SLC25A16: variants seen among roughly 807,000 people sequenced by gnomAD.
The protein encoded by SLC25A16 is mitochondrial coenzyme A transporter SLC25A16.
Under a neutral mutation model 41.5 loss-of-function variants are expected in SLC25A16, and 39 were observed. The ratio of observed to expected loss-of-function variants is 0.94; its 90% CI spans 0.73 to 1.23. The LOEUF is 1.23. Among genes scored for constraint, SLC25A16 ranks in the 50% most tolerant of loss-of-function variants. The probability of loss-of-function intolerance (pLI) is 0.00; values close to 1 mark genes in which losing one functional copy is unlikely to be tolerated. For missense variants in SLC25A16, 421 were observed against 426.9 expected (o/e 0.99, Z 0.12); for synonymous variants, 146 against 147.8 (o/e 0.99, Z 0.09).
chr10:68,486,745 C>G (rs1374652857), intron 8 of SLC25A16, among the ~76,000 whole-genome samples: 1 of 151,614 alleles, frequency 6.6e-6, no homozygotes, highest in African/African-American at 2.4e-5. Flanking sequence ...CACTTGAGGT[C>G]AGGAGTTCAA....
rs769006055 is a variant in SLC25A16, at chr10:68,483,275, A to C, written c.*157T>G. 5.5e-5 allele frequency: 31 copies of C among 564,954 alleles called. No individual in the cohort carries two copies. The highest frequency in any genetic ancestry group is 9.0e-5 in the Non-Finnish European group (29 of 323,168). 35.0% of individuals were successfully genotyped at this position (564,954 alleles called of 1,614,324 possible). ...TCAAAAAGTATGGTAAGCAGTTCTG[A>C]TTTGTGACTAAAGAAAAAATAATCA... On this transcript the variant is annotated 3_prime_UTR_variant, in exon 9 of 9. Coordinates refer to ENST00000609923, the MANE Select transcript of SLC25A16 (RefSeq NM_152707.4).
intron 2 of SLC25A16, among the ~76,000 whole-genome samples, chr10:68,509,200 G>A (rs1437357652): frequency 6.6e-6 from 1 of 152,026 alleles, no homozygotes; most frequent in Non-Finnish European, 1.5e-5. Flanking sequence ...AGATGGAAAT[G>A]GTGGCGGGTG....
chr10:68,499,875 C>A, intron 4 of SLC25A16: 1 of 549,642 alleles, frequency 1.8e-6, no homozygotes, highest in Non-Finnish European at 3.4e-6. Flanking sequence ...ACAAAGACGG[C>A]AAAAAGATTC....
intron 5 of SLC25A16, 66 bp from the exon 6 acceptor site, chr10:68,493,264 A>G: frequency 7.9e-7 from 1 of 1,259,464 alleles, no homozygotes; most frequent in African/African-American, 1.5e-5. Flanking sequence ...ATCAAAGAAA[A>G]AATCACACTT....
intron 8 of SLC25A16, among the ~76,000 whole-genome samples, chr10:68,484,990 AGTTT>A (rs2052534897): frequency 6.6e-6 from 1 of 152,214 alleles, no homozygotes; most frequent in Non-Finnish European, 1.5e-5. Flanking sequence ...GATTTCAAAT[AGTTT>A]GTATTTAAAA....
At chr10:68,521,148 C>A (rs1296352222) in intron 1 of SLC25A16, among the ~76,000 whole-genome samples, 2 of 151,006 alleles carry the variant, frequency 1.3e-5, no homozygotes, top group Non-Finnish European at 3.0e-5. Flanking sequence ...AAAAAAGGAA[C>A]ACACAGACAC....
chr10:68,514,520 T>C (rs1284327341), intron 2 of SLC25A16, among the ~76,000 whole-genome samples: 1 of 152,172 alleles, frequency 6.6e-6, no homozygotes, highest in African/African-American at 2.4e-5. Flanking sequence ...ATTAATGTTT[T>C]GATCCTTGCA....
chr10:68,488,995 C>T (rs1320215281), intron 6 of SLC25A16, among the ~76,000 whole-genome samples: 30 of 152,086 alleles, frequency 2.0e-4, no homozygotes. Context: ...GATGGCCGGG[C>T]GTGGTGGCTC....
chr10:68,511,819 A>G (rs1325676222), intron 2 of SLC25A16, among the ~76,000 whole-genome samples: 1 of 151,920 alleles, frequency 6.6e-6, no homozygotes, highest in Non-Finnish European at 1.5e-5. Context: ...CAGCCTCCCA[A>G]AAGTACTGGG....
intron 1 of SLC25A16, among the ~76,000 whole-genome samples, chr10:68,520,537 C>T (rs1029788539): frequency 6.6e-6 from 1 of 151,840 alleles, no homozygotes; most frequent in South Asian, 2.1e-4. Context: ...TTAGGCCAGG[C>T]GCAGTGGCCC....
At chr10:68,502,118 C>A (rs1469453770) in intron 4 of SLC25A16, among the ~76,000 whole-genome samples, 1 of 66,818 alleles carries the variant, frequency 1.5e-5, no homozygotes, top group Non-Finnish European at 4.6e-5. Context: ...TTGCTTGAAC[C>A]TGGGAGGCAG....
At chr10:68,497,180 T>C (rs932107987) in intron 4 of SLC25A16, among the ~76,000 whole-genome samples, 8 of 152,176 alleles carry the variant, frequency 5.3e-5, no homozygotes, top group Non-Finnish European at 8.8e-5. Flanking sequence ...TCCATTCCCA[T>C]CTGAGGCTGA....
At chr10:68,501,578 G>C (rs2052846406) in intron 4 of SLC25A16, among the ~76,000 whole-genome samples, 1 of 149,738 alleles carries the variant, frequency 6.7e-6, no homozygotes, top group Admixed American at 6.7e-5. Context: ...AGGAGGGGAG[G>C]GAAGAGGAGG....
chr10:68,500,291 G>A (rs1424821737), intron 4 of SLC25A16, among the ~76,000 whole-genome samples: 2 of 152,026 alleles, frequency 1.3e-5, no homozygotes, highest in African/African-American at 4.8e-5. Flanking sequence ...TCAATCACAG[G>A]AGAAAAATAT....
Position 68,527,433 on chromosome 10 carries a change from C to G in SLC25A16, c.-58G>C, listed in dbSNP as rs2053357298. On this transcript the variant is annotated 5_prime_UTR_variant, in exon 1 of 9. Transcript: ENST00000609923. Reference sequence around the variant, plus strand: ...CCAACTTACAGAACACCGGACGGGACCATAGCCGGAACAGGCGGTGACAGG... The same window carrying G: ...CCAACTTACAGAACACCGGACGGGAGCATAGCCGGAACAGGCGGTGACAGG... The G allele has an allele frequency of 1.4e-6, 2 of 1,406,418 alleles. No homozygotes were observed. The highest frequency in any genetic ancestry group is 6.5e-5 in the Admixed American group (2 of 30,882). 87.1% of individuals were successfully genotyped at this position (1,406,418 alleles called of 1,614,324 possible). A position where few individuals can be genotyped will look rare whatever the true frequency, so the allele number is the denominator to read the frequency against.
intron 2 of SLC25A16, among the ~76,000 whole-genome samples, chr10:68,509,874 CG>C (rs1374707096): frequency 1.3e-5 from 2 of 151,682 alleles, no homozygotes; most frequent in East Asian, 3.9e-4. Flanking sequence ...AGGCAGATCA[CG>C]AAGTCAGGAG....
intron 2 of SLC25A16, among the ~76,000 whole-genome samples, chr10:68,516,308 C>T (rs149244743): frequency 6.3e-4 from 96 of 152,166 alleles, no homozygotes; most frequent in Non-Finnish European, 1.1e-3. Flanking sequence ...TGTATTTGTC[C>T]CGACTGGCTA....
At chr10:68,510,604 G>A (rs1259305875) in intron 2 of SLC25A16, among the ~76,000 whole-genome samples, 1 of 152,082 alleles carries the variant, frequency 6.6e-6, no homozygotes, top group Non-Finnish European at 1.5e-5. Flanking sequence ...ACTTTTGGAG[G>A]CCGAAGCAGG....
Position 68,483,559 on chromosome 10 carries a change from T to C in SLC25A16, c.872A>G (p.Tyr291Cys), listed in dbSNP as rs369908710. ...TCCTTTTCGAATTCCATGGTGTCCA[T>C]AGACATACTTCATAGTATCCCGCAT... ...LTMRDTMKYVYGHHGIRKGLY... is the reference protein window; with the variant it reads ...LTMRDTMKYVCGHHGIRKGLY... Residue 291 changes from tyrosine (Y) to cysteine (C), a missense_variant, in exon 9 of 9, where the codon TAT (tyrosine) becomes TGT (cysteine). Tyr to Cys is a radical substitution (Grantham distance 194). Coordinates refer to ENST00000609923, the MANE Select transcript of SLC25A16 (RefSeq NM_152707.4). 9.8e-5 allele frequency: 158 copies of C among 1,610,058 alleles called. No individual in the cohort carries two copies. Among genetic ancestry groups the C allele is most frequent in the Non-Finnish European group, 1.3e-4 (153 of 1,178,148 alleles).
Sources: gnomAD v4.1 joint callset for allele counts (sites outside exome capture counted in the v4.1 genomes callset) on GRCh38, gnomAD v4.1.1 for gene constraint, MANE v1.5 for transcripts, NCBI Gene and HGNC (gene_info 2026-07-23, HGNC 2026-07-21) for gene names.